IL1RAPL2: variants seen among roughly 807,000 people sequenced by gnomAD.
IL1RAPL2 encodes the protein interleukin 1 receptor accessory protein like 2.
Under a neutral mutation model 44.1 loss-of-function variants are expected in IL1RAPL2, and 3 were observed. The ratio of observed to expected loss-of-function variants is 0.07; its 90% CI spans 0.03 to 0.18. The LOEUF is 0.18. IL1RAPL2 is among the 10% of genes least tolerant of loss of function. The probability of loss-of-function intolerance (pLI) is 1.00; values close to 1 mark genes in which losing one functional copy is unlikely to be tolerated. For synonymous variants in IL1RAPL2, 181 were observed against 178.8 expected, an observed-to-expected ratio of 1.01 and a Z score of -0.10; for missense variants, 391 against 496.4, an observed-to-expected ratio of 0.79 and a Z score of 2.02.
At chrX:105,271,209 C>A (rs1014272057) in intron 5 of IL1RAPL2, among the ~76,000 whole-genome samples, 5 of 112,045 alleles carry the variant, frequency 4.5e-5, no homozygotes, top group Middle Eastern at 4.3e-3. Context: ...TTAAATGCAA[C>A]TTTTCTGGAA....
intron 2 of IL1RAPL2, among the ~76,000 whole-genome samples, chrX:104,997,404 A>T (rs1391951697): frequency 8.9e-6 from 1 of 111,797 alleles, no homozygotes; most frequent in Non-Finnish European, 1.9e-5. Flanking sequence ...TTAAAGTTAC[A>T]TTAGTGGCTT....
intron 2 of IL1RAPL2, among the ~76,000 whole-genome samples, chrX:104,844,097 G>GT (rs373292388): frequency 8.8e-4 from 91 of 102,980 alleles, no homozygotes; most frequent in South Asian, 1.7e-3. Flanking sequence ...AAGTGTTGCT[G>GT]TTTTTTTTTT....
chrX:104,844,398 G>A (rs1921989755), intron 2 of IL1RAPL2, among the ~76,000 whole-genome samples: 1 of 111,202 alleles, frequency 9.0e-6, no homozygotes, highest in African/African-American at 3.3e-5. Context: ...ATGATTAAAT[G>A]ATATTTGAAA....
intron 6 of IL1RAPL2, among the ~76,000 whole-genome samples, chrX:105,577,457 C>G (rs1038875756): frequency 6.3e-5 from 7 of 110,823 alleles, no homozygotes; most frequent in Non-Finnish European, 7.6e-5. Flanking sequence ...GCCACCTCAT[C>G]AAGGTTATAG....
intron 2 of IL1RAPL2, among the ~76,000 whole-genome samples, chrX:104,906,887 C>T (rs1457774408): frequency 9.0e-6 from 1 of 111,418 alleles, no homozygotes; most frequent in African/African-American, 3.3e-5. Flanking sequence ...AAACTAGTTC[C>T]TCCTTGTACC....
intron 5 of IL1RAPL2, among the ~76,000 whole-genome samples, chrX:105,268,514 C>A (rs2034421634): frequency 9.1e-6 from 1 of 110,438 alleles, no homozygotes; most frequent in Admixed American, 9.7e-5. Flanking sequence ...GTAATCAATC[C>A]CAGCACTTTG....
intron 6 of IL1RAPL2, among the ~76,000 whole-genome samples, chrX:105,641,643 T>A (rs1473099202): frequency 8.9e-6 from 1 of 111,852 alleles, no homozygotes. Context: ...AAGGACTTGA[T>A]GATAGAGGTG....
chrX:104,993,442 A>G (rs2030698792), intron 2 of IL1RAPL2, among the ~76,000 whole-genome samples: 1 of 111,911 alleles, frequency 8.9e-6, no homozygotes, highest in Admixed American at 9.5e-5. Context: ...GAGTAAAGGC[A>G]AACAGCTAAT....
chrX:104,983,592 TATTATATGC>T (rs2030499688), intron 2 of IL1RAPL2, among the ~76,000 whole-genome samples: 1 of 46,092 alleles, frequency 2.2e-5, no homozygotes, highest in African/African-American at 5.2e-5. Flanking sequence ...ATATATAATA[TATTATATGC>T]ATAATATATA....
intron 2 of IL1RAPL2, among the ~76,000 whole-genome samples, chrX:105,028,913 T>G (rs1229554397): frequency 2.7e-5 from 3 of 110,552 alleles, no homozygotes; most frequent in Non-Finnish European, 5.7e-5. Context: ...AAATACATGC[T>G]CCTGGAGCAT....
chrX:105,067,021 A>T (rs986228180), intron 2 of IL1RAPL2, among the ~76,000 whole-genome samples: 1 of 111,850 alleles, frequency 8.9e-6, no homozygotes, highest in East Asian at 2.8e-4. Flanking sequence ...TGGCAAGTTT[A>T]TGTTTCAGCA....
intron 5 of IL1RAPL2, among the ~76,000 whole-genome samples, chrX:105,455,624 T>A (rs2036049968): frequency 9.0e-6 from 1 of 111,586 alleles, no homozygotes; most frequent in African/African-American, 3.3e-5. Context: ...AAAGATCCGA[T>A]AGTTGTAGGT....
intron 2 of IL1RAPL2, among the ~76,000 whole-genome samples, chrX:104,831,924 C>T (rs1024406581): frequency 3.6e-5 from 4 of 111,740 alleles, no homozygotes; most frequent in African/African-American, 1.3e-4. Context: ...AACTGAAGCC[C>T]GCAGGAGTCT....
At chrX:104,611,678 A>C (rs1285954830) in intron 1 of IL1RAPL2, among the ~76,000 whole-genome samples, 2 of 109,117 alleles carry the variant, frequency 1.8e-5, no homozygotes, top group African/African-American at 6.7e-5. Flanking sequence ...TCTACTAAAA[A>C]TACAAAAAAT....
chrX:104,885,529 C>G (rs933086642), intron 2 of IL1RAPL2, among the ~76,000 whole-genome samples: 1 of 111,768 alleles, frequency 8.9e-6, no homozygotes, highest in Non-Finnish European at 1.9e-5. Flanking sequence ...AAGTTTATTA[C>G]CCAATCAGCC....
chrX:105,161,823 G>A (rs921267705), intron 2 of IL1RAPL2, among the ~76,000 whole-genome samples: 3 of 111,695 alleles, frequency 2.7e-5, no homozygotes, highest in Non-Finnish European at 5.6e-5. Context: ...TTATAAGGTG[G>A]ATATAACTTG....
At chrX:104,703,264 T>C (rs962175385) in intron 2 of IL1RAPL2, among the ~76,000 whole-genome samples, 3 of 111,204 alleles carry the variant, frequency 2.7e-5, no homozygotes, top group East Asian at 2.8e-4. Flanking sequence ...CTGCCATCCA[T>C]AGGACACGGG....
intron 6 of IL1RAPL2, among the ~76,000 whole-genome samples, chrX:105,617,102 A>G (rs1458865885): frequency 9.0e-6 from 1 of 110,938 alleles, no homozygotes; most frequent in Non-Finnish European, 1.9e-5. Context: ...TTCTTGGTAC[A>G]TAGCAAACAC....
chrX:104,638,126 T>C (rs1323731739), intron 1 of IL1RAPL2, among the ~76,000 whole-genome samples: 1 of 111,493 alleles, frequency 9.0e-6, no homozygotes, highest in African/African-American at 3.3e-5. Flanking sequence ...ATCCATTTTC[T>C]CCAGGTTTTC....
Sources: gnomAD v4.1 joint callset for allele counts (sites outside exome capture counted in the v4.1 genomes callset) on GRCh38, gnomAD v4.1.1 for gene constraint, MANE v1.5 for transcripts, NCBI Gene and HGNC (gene_info 2026-07-23, HGNC 2026-07-21) for gene names.